Variants in CLMN observed in about 807,000 individuals in gnomAD.
The protein encoded by CLMN is calmin.
Under a neutral mutation model 92.7 loss-of-function variants are expected in CLMN, and 57 were observed. The ratio of observed to expected loss-of-function variants is 0.61; its 90% confidence interval spans 0.50 to 0.77. The LOEUF is 0.77. Ranked by LOEUF, CLMN falls within the 30% of genes least tolerant of loss-of-function variation. The pLI is 0.00. For synonymous variants in CLMN, 466 were observed against 470.6 expected, an observed-to-expected ratio of 0.99 and a Z score of 0.13; for missense variants, 1,158 against 1,237.5, an observed-to-expected ratio of 0.94 and a Z score of 0.96.
chr14:95,239,647 T>C (rs1898177423), intron 1 of CLMN, among the ~76,000 whole-genome samples: 1 of 152,248 alleles, frequency 6.6e-6, no homozygotes, highest in South Asian at 2.1e-4. Context: ...AAGAGCTTGC[T>C]AAGTTTGGAA....
intron 8 of CLMN, among the ~76,000 whole-genome samples, chr14:95,205,077 C>T (rs755079656): frequency 6.6e-6 from 1 of 152,150 alleles, no homozygotes; most frequent in Non-Finnish European, 1.5e-5. Context: ...TCCCAATGCA[C>T]CGATAGTGTG....
At position 95,230,095 on chromosome 14, in the gene CLMN, A is replaced by G. The variant is rs770415647; in HGVS notation, c.121T>C (p.Trp41Arg). The G allele has an allele frequency of 1.2e-6, 2 of 1,614,132 alleles. No individual in the cohort carries two copies. The highest frequency in any genetic ancestry group is 1.3e-5 in the African/African-American group (1 of 74,944). Residue 41 changes from tryptophan (W) to arginine (R), a missense_variant, in exon 2 of 13, where the codon TGG becomes CGG. Transcript: ENST00000298912. ...ACCTTTTCTAGATGTAGATTTATCC[A>G]TCGTGTAAAGGTCCTCTTCTGCACA... ...ENVQKRTFTR[W>R]INLHLEKCNP...
In CLMN at chr14:95,186,836, T is replaced by A. The variant is rs555692378; in HGVS notation, c.*4728A>T. 5.3e-5 allele frequency: 8 copies of A among 152,346 alleles called. No homozygotes were observed. The highest frequency in any genetic ancestry group is 1.9e-4 in the African/African-American group (8 of 41,438). 9.4% of individuals were successfully genotyped at this position (152,346 alleles called of 1,614,324 possible). A position where few individuals can be genotyped will look rare whatever the true frequency, so the allele number is the denominator to read the frequency against. On this transcript the variant is annotated 3_prime_UTR_variant, in exon 13 of 13. Coordinates refer to ENST00000298912, the MANE Select transcript of CLMN (RefSeq NM_024734.4). ...TTGGCCTCCCAAAGGGCTGGGATTA[T>A]AGGTGTGAGCCACTACTGTGCCTAG...
intron 1 of CLMN, among the ~76,000 whole-genome samples, chr14:95,299,480 G>A (rs553669519): frequency 5.9e-5 from 9 of 152,298 alleles, no homozygotes; most frequent in African/African-American, 1.7e-4. Context: ...GCTGCACCAG[G>A]TGCAGCACCA....
intron 1 of CLMN, among the ~76,000 whole-genome samples, chr14:95,275,066 G>A (rs7149062): frequency 0.25 from 37,357 of 151,628 alleles, 5,942 homozygotes; most frequent in African/African-American, 0.45. Context: ...AGCCCTGGAG[G>A]TACATATACC....
At chr14:95,270,722 G>C (rs959556726) in intron 1 of CLMN, among the ~76,000 whole-genome samples, 2 of 152,114 alleles carry the variant, frequency 1.3e-5, no homozygotes, top group Admixed American at 1.3e-4. Flanking sequence ...ATAGATGTTG[G>C]GTTGCATCCA....
chr14:95,254,330 G>A (rs934047362), intron 1 of CLMN, among the ~76,000 whole-genome samples: 2 of 152,200 alleles, frequency 1.3e-5, no homozygotes, highest in African/African-American at 4.8e-5. Flanking sequence ...ATGCAAATTG[G>A]TTCCAAAGCA....
chr14:95,221,500 G>A (rs892435960), intron 4 of CLMN, among the ~76,000 whole-genome samples, 191 bp downstream of exon 4: 2 of 152,184 alleles, frequency 1.3e-5, no homozygotes, highest in African/African-American at 4.8e-5. Flanking sequence ...GGGTGGGCAC[G>A]GAGTCAGGGA....
At chr14:95,238,421 G>C (rs1269029519) in intron 1 of CLMN, among the ~76,000 whole-genome samples, 1 of 148,684 alleles carries the variant, frequency 6.7e-6, no homozygotes, top group Non-Finnish European at 1.5e-5. Flanking sequence ...TTAAAGTCAA[G>C]GCCTCCATGT....
intron 1 of CLMN, among the ~76,000 whole-genome samples, chr14:95,269,151 A>G (rs1899606575): frequency 6.6e-6 from 1 of 152,174 alleles, no homozygotes; most frequent in Non-Finnish European, 1.5e-5. Context: ...TGAAAGGTTA[A>G]AAATAATAAA....
chr14:95,262,812 C>T (rs536699983), intron 1 of CLMN, among the ~76,000 whole-genome samples: 29 of 152,338 alleles, frequency 1.9e-4, no homozygotes, highest in African/African-American at 6.7e-4. Context: ...AGCAATCCTC[C>T]TGCCTTGACC....
At chr14:95,254,084 C>A (rs998645225) in intron 1 of CLMN, among the ~76,000 whole-genome samples, 1 of 152,200 alleles carries the variant, frequency 6.6e-6, no homozygotes, top group South Asian at 2.1e-4. Context: ...CCTAGCAGCA[C>A]CACTGTTGTG....
Position 95,183,263 on chromosome 14 carries a change from A to G in CLMN, c.*8301T>C, listed in dbSNP as rs1896369341. The G allele has an allele frequency of 1.3e-5, 2 of 152,250 alleles. No homozygotes were observed. Among genetic ancestry groups the G allele is most frequent in the Admixed American group, 1.3e-4 (2 of 15,276 alleles). 9.4% of individuals were successfully genotyped at this position (152,250 alleles called of 1,614,324 possible). On this transcript the variant is annotated 3_prime_UTR_variant, in exon 13 of 13. Transcript: ENST00000298912. ...GCACTCCCAGAGTTTCCTTTAAAAA[A>G]GTGTCTAAATCCTTGCATGACATTT...
Position 95,188,821 on chromosome 14 carries a change from G to C in CLMN, c.*2743C>G, listed in dbSNP as rs1016039403. The C allele has an allele frequency of 6.6e-6, 1 of 152,248 alleles. No individual in the cohort carries two copies. 9.4% of individuals were successfully genotyped at this position (152,248 alleles called of 1,614,324 possible). Reference sequence around the variant, plus strand: ...CAACCAGCACGCTTGGGAGGGGCTAGGGGAGGGTATTATTTTCCACCTGTC... The same window carrying C: ...CAACCAGCACGCTTGGGAGGGGCTACGGGAGGGTATTATTTTCCACCTGTC... On this transcript the variant is annotated 3_prime_UTR_variant, in exon 13 of 13. Coordinates refer to ENST00000298912, the MANE Select transcript of CLMN (RefSeq NM_024734.4).
At position 95,194,208 on chromosome 14, in the gene CLMN, A is replaced by G. The variant is rs368417452; in HGVS notation, c.2770-289T>C. On this transcript the variant is annotated intron_variant, in intron 11 of 12. Transcript: ENST00000298912. This position sits in a 1 kb window ranked among gnomAD's most constrained non-coding sequence, Gnocchi z 4.0. ...TGCTACTGAGCACGTGCCACTGTCC[A>G]TCGGACCTTGACTCATGTTGCACCT... 8.0e-5 allele frequency: 111 copies of G among 1,394,836 alleles called. 1 individual carries two copies. In the South Asian group the frequency reaches 9.6e-4, roughly 12 times the overall value. The allele number at this position is 1,394,836 out of a possible 1,614,324, so 86.4% of individuals were successfully genotyped here.
At chr14:95,273,047 C>T (rs556264077) in intron 1 of CLMN, among the ~76,000 whole-genome samples, 2 of 152,218 alleles carry the variant, frequency 1.3e-5, no homozygotes, top group South Asian at 4.1e-4. Context: ...GAAGAAAATG[C>T]ATATGCATGC....
At position 95,196,157 on chromosome 14, in the gene CLMN, C is replaced by T. The variant is rs1056367824; in HGVS notation, c.2708+341G>A. ...GGTCAACCTGTAGTTGTCTGGGGGC[C>T]AGAAGGCAGCCAGCAGAGGCTCCAA... On this transcript the variant is annotated intron_variant, in intron 10 of 12. Transcript: ENST00000298912. Among the ~76,000 whole-genome samples the T allele has an allele frequency of 2.6e-5, 4 of 152,190 alleles. No individual in the cohort carries two copies. In the East Asian group the frequency reaches 7.7e-4, roughly 29 times the overall value.
In CLMN at chr14:95,203,106, T is replaced by C. The variant is rs1896933452; in HGVS notation, c.2243A>G (p.Glu748Gly). The C allele has an allele frequency of 1.2e-6, 2 of 1,613,464 alleles. No individual in the cohort carries two copies. Among genetic ancestry groups the C allele is most frequent in the Non-Finnish European group, 1.7e-6 (2 of 1,180,022 alleles). Residue 748 changes from glutamate to glycine, a missense_variant, in exon 9 of 13, where the codon GAG (glutamate) becomes GGG (glycine). Transcript: ENST00000298912. ...AVLEAYVEDP[E>G]DLKNEEMDLE... ...ATCCATTTCTTCATTTTTTAGATCCTCCGGGTCTTCTACATAAGCCTCCAA... is the reference window on the plus strand; with the variant it reads ...ATCCATTTCTTCATTTTTTAGATCCCCCGGGTCTTCTACATAAGCCTCCAA...
At chr14:95,289,529 A>T (rs999740065) in intron 1 of CLMN, among the ~76,000 whole-genome samples, 1 of 151,840 alleles carries the variant, frequency 6.6e-6, no homozygotes, top group African/African-American at 2.4e-5. Flanking sequence ...AAACAAAAAA[A>T]CCGTTGTTCT....
Sources: gnomAD v4.1 joint callset for allele counts (sites outside exome capture counted in the v4.1 genomes callset) on GRCh38, gnomAD v4.1.1 for gene constraint, Gnocchi (gnomAD v3.1) non-coding constraint, MANE v1.5 for transcripts, NCBI Gene and HGNC (gene_info 2026-07-23, HGNC 2026-07-21) for gene names.